Variants in LRP8 observed in about 807,000 individuals in gnomAD.
LRP8 encodes the protein low-density lipoprotein receptor-related protein 8.
Under a neutral mutation model 111.6 loss-of-function variants are expected in LRP8, and 46 were observed. That is an observed-to-expected ratio of 0.41 (90% CI 0.33 to 0.53). LRP8 has a LOEUF of 0.53. Among genes scored for constraint, LRP8 ranks in the 20% least tolerant of loss-of-function variants. The pLI, the probability that LRP8 is intolerant of heterozygous loss-of-function variation, is 0.20. For synonymous variants in LRP8, 464 were observed against 511.2 expected, an observed-to-expected ratio of 0.91 and a Z score of 1.24; for missense variants, 959 against 1,297.4, an observed-to-expected ratio of 0.74 and a Z score of 4.01.
At position 53,324,390 on chromosome 1, in the gene LRP8, A is replaced by T. The variant is rs115546063; in HGVS notation, c.244+2483T>A. ...TCAGTTTCCCTTTATGGCTACCAGG[A>T]GTCCGTTTCTAAAGGCCGTGGAGGT... is the stretch of plus-strand genomic sequence containing the variant. On this transcript the variant is annotated intron_variant, in intron 2 of 18. Coordinates refer to ENST00000306052, the MANE Select transcript of LRP8 (RefSeq NM_004631.5). Among the ~76,000 whole-genome samples the T allele has an allele frequency of 9.8e-3, 1,499 of 152,276 alleles. 32 individuals are homozygous for T. Among genetic ancestry groups the T allele is most frequent in the African/African-American group, 0.034 (1,411 of 41,542 alleles).
rs372461064 is a variant in LRP8, at chr1:53,264,230, G to A, written c.1594C>T (p.Arg532Cys). ...SVATVDGGRR[R>C]TLFSRNLSEP... ...CTGAGGTTACGGCTGAAGAGAGTGCGTCGGCGGCCACCATCAACTGTGGCC... is the reference window on the plus strand; with the variant it reads ...CTGAGGTTACGGCTGAAGAGAGTGCATCGGCGGCCACCATCAACTGTGGCC... The change falls in exon 10 of 19, where the codon CGC (arginine) becomes TGC (cysteine). Residue 532 changes from arginine to cysteine, a missense_variant. Arg to Cys is a radical substitution (Grantham distance 180). Around this residue, in one of 3 missense-constraint regions of LRP8, gnomAD observed 819 missense variants for 1,097.6 expected, o/e 0.75. Transcript: ENST00000306052. 115 of 1,614,086 alleles carry A rather than the reference G, an allele frequency of 7.1e-5. No homozygotes were observed. The highest frequency in any genetic ancestry group is 8.9e-5 in the Non-Finnish European group (105 of 1,180,024).
intron 2 of LRP8, among the ~76,000 whole-genome samples, chr1:53,320,475 C>T (rs1280661775): frequency 1.3e-5 from 2 of 152,134 alleles, no homozygotes; most frequent in East Asian, 1.9e-4. Flanking sequence ...CCTTTCTAAG[C>T]CTGGGTGCGA....
At chr1:53,277,995 A>G (rs948021608) in intron 4 of LRP8, among the ~76,000 whole-genome samples, 5 of 152,270 alleles carry the variant, frequency 3.3e-5, no homozygotes, top group East Asian at 1.9e-4. Flanking sequence ...GACACACGTC[A>G]TGGCTCTGCT....
At position 53,243,695 on chromosome 1, in the gene LRP8, C is replaced by A. The variant is rs1184562365; in HGVS notation, c.*3323G>T. 6.6e-6 allele frequency: 1 copy of A among 152,150 alleles called. No individual in the cohort carries two copies. The highest frequency in any genetic ancestry group is 1.5e-5 in the Non-Finnish European group (1 of 68,042). The allele number at this position is 152,150 out of a possible 1,614,324, so 9.4% of individuals were successfully genotyped here. A position where few individuals can be genotyped will look rare whatever the true frequency, so the allele number is the denominator to read the frequency against. The stretch of plus-strand genomic sequence containing the variant: ...CTAAAGTCCCTGTGCTCTTTCATAC[C>A]TCTGTGTTTTAGCTCGATGTGTCTC... On this transcript the variant is annotated 3_prime_UTR_variant, in exon 19 of 19. Transcript: ENST00000306052.
intron 6 of LRP8, among the ~76,000 whole-genome samples, chr1:53,273,084 T>C (rs1468059461): frequency 6.6e-6 from 1 of 152,214 alleles, no homozygotes; most frequent in African/African-American, 2.4e-5. Context: ...AGAGCAGGTC[T>C]GCACCTGTCT....
intron 6 of LRP8, 68 bp from the exon 7 acceptor site, chr1:53,271,414 A>G: frequency 6.3e-7 from 1 of 1,589,014 alleles, no homozygotes; most frequent in East Asian, 2.2e-5. Context: ...CAGGGGTAGG[A>G]CCTAGAGCAG....
intron 18 of LRP8, 48 bp from the exon 19 acceptor site, chr1:53,247,104 T>C (rs1209239713): frequency 6.8e-7 from 1 of 1,476,234 alleles, no homozygotes; most frequent in African/African-American, 1.4e-5. Context: ...TAAGAGTTAC[T>C]ATTTATTTAG....
intron 16 of LRP8, among the ~76,000 whole-genome samples, 173 bp downstream of exon 16, chr1:53,254,944 C>A (rs148712343): frequency 2.0e-5 from 3 of 152,194 alleles, no homozygotes; most frequent in African/African-American, 7.2e-5. Flanking sequence ...TCCTGAAGAG[C>A]CTTGTGTGCT....
At position 53,262,848 on chromosome 1, in the gene LRP8, G is replaced by C. The variant is rs996859323; in HGVS notation, c.1656-284C>G. ...CACTTCTGGCAGTGCTAACTAACTA[G>C]AGCCCTAGGGTGTCAGTGTGGGGAA... On this transcript the variant is annotated intron_variant, in intron 10 of 18. Transcript: ENST00000306052. This position sits in a 1 kb window ranked among gnomAD's most constrained non-coding sequence, Gnocchi z 4.8. Among the ~76,000 whole-genome samples, 2 of 152,202 alleles carry C rather than the reference G, an allele frequency of 1.3e-5. No individual in the cohort carries two copies. The highest frequency in any genetic ancestry group is 4.8e-5 in the African/African-American group (2 of 41,460).
intron 13 of LRP8, 57 bp from the exon 14 acceptor site, chr1:53,258,528 C>T: frequency 6.5e-7 from 1 of 1,537,358 alleles, no homozygotes; most frequent in Middle Eastern, 1.9e-4. Flanking sequence ...GGTCTTCCTG[C>T]CTCCTGAGGA....
At chr1:53,306,573 T>TTGGA (rs77805214) in intron 2 of LRP8, among the ~76,000 whole-genome samples, 2,969 of 152,260 alleles carry the variant, frequency 0.019, 33 homozygotes, top group South Asian at 0.055. Flanking sequence ...TCAACACCAG[T>TTGGA]TGAGGGGTTG....
chr1:53,265,301 T>C (rs1646508858), intron 9 of LRP8, among the ~76,000 whole-genome samples: 1 of 152,194 alleles, frequency 6.6e-6, no homozygotes, highest in African/African-American at 2.4e-5. Flanking sequence ...AACAGCTCTC[T>C]TACGATCCAG....
chr1:53,251,484 A>G (rs892121560), intron 16 of LRP8, among the ~76,000 whole-genome samples: 4 of 151,828 alleles, frequency 2.6e-5, no homozygotes, highest in Non-Finnish European at 4.4e-5. Flanking sequence ...GACTATGTTA[A>G]TGATTAAAGG....
chr1:53,311,185 C>A (rs1437159998), intron 2 of LRP8, among the ~76,000 whole-genome samples: 1 of 152,068 alleles, frequency 6.6e-6, no homozygotes, highest in Non-Finnish European at 1.5e-5. Context: ...GTCCCCAGGC[C>A]CCTGCCCACC....
intron 3 of LRP8, among the ~76,000 whole-genome samples, chr1:53,283,569 C>T (rs1647194044): frequency 1.8e-5 from 2 of 110,260 alleles, no homozygotes; most frequent in South Asian, 6.1e-4. Flanking sequence ...ACTACATACC[C>T]GGGCCACTTA....
In LRP8 at chr1:53,257,388, C is replaced by A; in HGVS notation, c.2286G>T (p.Gly762=). ...RTVPATTRAP[G]TTVHRSTYQN... Reference sequence around the variant, plus strand: ...GGTAGGTGGATCTGTGGACGGTGGTCCCGGGGGCTCTTGTGGTGGCAGGTA... The same window carrying A: ...GGTAGGTGGATCTGTGGACGGTGGTACCGGGGGCTCTTGTGGTGGCAGGTA... The change falls in exon 15 of 19, where the codon GGG becomes GGT. Residue 762 remains glycine (G), a synonymous_variant. Transcript: ENST00000306052. The A allele has an allele frequency of 1.2e-6, 2 of 1,614,064 alleles. No individual in the cohort carries two copies. Among genetic ancestry groups the A allele is most frequent in the Non-Finnish European group, 8.5e-7 (1 of 1,180,016 alleles).
rs760484780 is a variant in LRP8, at chr1:53,326,949, G to A, written c.168C>T (p.Asn56=). The A allele has an allele frequency of 2.5e-6, 4 of 1,613,864 alleles. No individual in the cohort carries two copies. In the Admixed American group the frequency reaches 5.0e-5, roughly 20 times the overall value. ...DCEKDQFQCR[N]ERCIPSVWRC... is the part of the protein sequence containing the mutation. ...TCCACACAGAGGGGATGCAGCGCTC[G>A]TTCCGGCACTGGAATTGGTCCTTTT... The change falls in exon 2 of 19, where the codon AAC becomes AAT. Residue 56 remains asparagine (N), a synonymous_variant. Transcript: ENST00000306052.
At chr1:53,282,342 C>T (rs997556096) in intron 3 of LRP8, among the ~76,000 whole-genome samples, 2 of 152,184 alleles carry the variant, frequency 1.3e-5, no homozygotes, top group African/African-American at 2.4e-5. Context: ...TTCCCTTGCT[C>T]GAGGATTGGC....
chr1:53,280,126 C>T (rs980324728), intron 4 of LRP8, among the ~76,000 whole-genome samples: 1 of 152,204 alleles, frequency 6.6e-6, no homozygotes. Flanking sequence ...GAATCCGTCC[C>T]CCTCCCCCCA....
Sources: gnomAD v4.1 joint callset for allele counts (sites outside exome capture counted in the v4.1 genomes callset) on GRCh38, gnomAD v4.1.1 for gene constraint, gnomAD v4.1.1 regional missense constraint, Gnocchi (gnomAD v3.1) non-coding constraint, MANE v1.5 for transcripts, NCBI Gene and HGNC (gene_info 2026-07-23, HGNC 2026-07-21) for gene names.